The following SH3GL2 variants were observed in gnomAD, a reference collection of about 807,000 sequenced individuals.
The protein encoded by SH3GL2 is SH3 domain containing GRB2 like 2, endophilin A1, also known as endophilin-A1.
Under a neutral mutation model 46.0 loss-of-function variants are expected in SH3GL2, and 24 were observed. That is an observed-to-expected ratio of 0.52 (90% CI 0.38 to 0.73). The LOEUF (loss-of-function observed/expected upper bound fraction) is 0.73. SH3GL2 is among the 30% of genes least tolerant of loss of function. The pLI is 0.00. For missense variants in SH3GL2, 413 were observed against 424.2 expected (o/e 0.97, Z 0.23); for synonymous variants, 196 against 147.1 (o/e 1.33, Z -2.40).
At chr9:17,612,707 C>G (rs370214577) in intron 1 of SH3GL2, among the ~76,000 whole-genome samples, 3 of 152,168 alleles carry the variant, frequency 2.0e-5, no homozygotes, top group East Asian at 3.9e-4. Context: ...TGAAAGTGTA[C>G]TGTTTAAACC....
chr9:17,664,063 C>T (rs1390388288), intron 1 of SH3GL2, among the ~76,000 whole-genome samples: 1 of 152,046 alleles, frequency 6.6e-6, no homozygotes, highest in Non-Finnish European at 1.5e-5. Context: ...AATATATATC[C>T]TGTGGAAATA....
At chr9:17,687,023 G>A (rs552997331) in intron 1 of SH3GL2, among the ~76,000 whole-genome samples, 1 of 152,092 alleles carries the variant, frequency 6.6e-6, no homozygotes, top group African/African-American at 2.4e-5. Context: ...CATTTTGATT[G>A]TTTGTATTTT....
chr9:17,635,461 A>G (rs1310145230), intron 1 of SH3GL2, among the ~76,000 whole-genome samples: 1 of 152,190 alleles, frequency 6.6e-6, no homozygotes, highest in African/African-American at 2.4e-5. Flanking sequence ...AACTGGAAGG[A>G]AGTGAAAAAG....
intron 4 of SH3GL2, 104 bp from the exon 5 acceptor site, chr9:17,787,276 A>C: frequency 1.1e-6 from 1 of 873,928 alleles, no homozygotes; most frequent in Non-Finnish European, 1.8e-6. Flanking sequence ...TTGTCTTTAG[A>C]AGACAAGTGG....
intron 1 of SH3GL2, among the ~76,000 whole-genome samples, chr9:17,647,935 C>T (rs1394832265): frequency 6.6e-6 from 1 of 152,186 alleles, no homozygotes; most frequent in East Asian, 1.9e-4. Flanking sequence ...TCTTCCACCT[C>T]AGCCTACTCA....
At chr9:17,624,992 A>T (rs1819247648) in intron 1 of SH3GL2, among the ~76,000 whole-genome samples, 1 of 152,108 alleles carries the variant, frequency 6.6e-6, no homozygotes. Flanking sequence ...GTGAGATGAA[A>T]ATTGTTCTTC....
chr9:17,742,802 T>A (rs1336819978), intron 1 of SH3GL2, among the ~76,000 whole-genome samples: 2 of 152,196 alleles, frequency 1.3e-5, no homozygotes, highest in Non-Finnish European at 2.9e-5. Context: ...GAACCATCAA[T>A]GTTTTTAGGT....
intron 1 of SH3GL2, among the ~76,000 whole-genome samples, chr9:17,743,503 G>A (rs569983408): frequency 4.0e-5 from 6 of 150,952 alleles, no homozygotes; most frequent in Admixed American, 6.6e-5. Context: ...TCTCTTGTTC[G>A]CATTCTCATT....
intron 1 of SH3GL2, among the ~76,000 whole-genome samples, chr9:17,641,960 A>G (rs1819696229): frequency 6.6e-6 from 1 of 152,110 alleles, no homozygotes; most frequent in Non-Finnish European, 1.5e-5. Context: ...ATACCCACTA[A>G]TGGGATTGCT....
At chr9:17,769,058 C>G (rs1314579656) in intron 3 of SH3GL2, among the ~76,000 whole-genome samples, 1 of 152,190 alleles carries the variant, frequency 6.6e-6, no homozygotes, top group Non-Finnish European at 1.5e-5. Flanking sequence ...CTCTCCATGT[C>G]TTCTCAAAGC....
intron 1 of SH3GL2, among the ~76,000 whole-genome samples, chr9:17,636,899 C>A (rs1015516423): frequency 6.6e-6 from 1 of 152,126 alleles, no homozygotes; most frequent in African/African-American, 2.4e-5. Context: ...TTACAGTGAT[C>A]CTAGTGTGTT....
chr9:17,685,684 G>A (rs564870947), intron 1 of SH3GL2, among the ~76,000 whole-genome samples: 1 of 151,988 alleles, frequency 6.6e-6, no homozygotes, highest in African/African-American at 2.4e-5. Context: ...AGTTTTCCCA[G>A]CACCATTTAT....
intron 1 of SH3GL2, among the ~76,000 whole-genome samples, chr9:17,666,364 G>T (rs76678341): frequency 0.027 from 4,118 of 152,112 alleles, 178 homozygotes; most frequent in African/African-American, 0.095. Flanking sequence ...GATGTCCCCA[G>T]AAACATTATG....
rs1822667464 is a variant in SH3GL2, at chr9:17,745,871, A to G, written c.46-1195A>G. 2.0e-5 allele frequency among the ~76,000 whole-genome samples: 3 copies of G among 152,282 alleles called. No individual in the cohort carries two copies. In the East Asian group the frequency reaches 5.8e-4, roughly 29 times the overall value. The stretch of plus-strand genomic sequence containing the variant: ...AGGAAATGAAAAACCATACTTTGAT[A>G]TCTGTGTGCGATAACTTTATGTAAT... On this transcript the variant is annotated intron_variant, in intron 1 of 8. Transcript: ENST00000380607.
chr9:17,647,965 G>C (rs1205110365), intron 1 of SH3GL2, among the ~76,000 whole-genome samples: 1 of 152,106 alleles, frequency 6.6e-6, no homozygotes, highest in Non-Finnish European at 1.5e-5. Flanking sequence ...TGAAGATGAA[G>C]ACCTTTGTGA....
intron 1 of SH3GL2, among the ~76,000 whole-genome samples, chr9:17,654,109 G>C: frequency 6.6e-6 from 1 of 152,122 alleles, no homozygotes; most frequent in Non-Finnish European, 1.5e-5. Flanking sequence ...CTGCAGACTG[G>C]GGGAGGGCAA....
intron 1 of SH3GL2, among the ~76,000 whole-genome samples, chr9:17,684,758 C>G (rs1391771003): frequency 2.0e-5 from 3 of 152,118 alleles, no homozygotes; most frequent in African/African-American, 7.2e-5. Context: ...TCAAAGCAGA[C>G]TTCTCATCAG....
chr9:17,650,034 C>G (rs547891698), intron 1 of SH3GL2, among the ~76,000 whole-genome samples: 1 of 152,274 alleles, frequency 6.6e-6, no homozygotes, highest in East Asian at 1.9e-4. Context: ...CCACATATTT[C>G]TAATATTCCA....
intron 1 of SH3GL2, among the ~76,000 whole-genome samples, chr9:17,607,143 C>G (rs962177498): frequency 6.6e-6 from 1 of 152,146 alleles, no homozygotes; most frequent in African/African-American, 2.4e-5. Flanking sequence ...CTGAGAAATG[C>G]ATCATTAGGT....
Sources: allele counts gnomAD v4.1 joint callset (sites outside exome capture counted in the v4.1 genomes callset), GRCh38; gene constraint gnomAD v4.1.1; transcripts MANE v1.5; gene names NCBI Gene and HGNC (gene_info 2026-07-23, HGNC 2026-07-21).